The following NRP1 variants were observed in gnomAD, a reference collection of about 807,000 sequenced individuals.
NRP1 encodes the protein neuropilin-1.
NRP1 carries 35 observed loss-of-function variants against 106.7 expected under a neutral mutation model. The ratio of observed to expected loss-of-function variants is 0.33; its 90% CI spans 0.25 to 0.43. The LOEUF (loss-of-function observed/expected upper bound fraction) is 0.43, where lower values mean the gene tolerates loss of function less well. NRP1 is among the 20% of genes least tolerant of loss of function. The pLI is 1.00. For missense variants in NRP1, 1,024 were observed against 1,170.4 expected, an observed-to-expected ratio of 0.87 and a Z score of 1.83; for synonymous variants, 437 against 417.9, an observed-to-expected ratio of 1.05 and a Z score of -0.56.
chr10:33,271,323 C>T (rs898224317), intron 2 of NRP1, among the ~76,000 whole-genome samples: 1 of 152,190 alleles, frequency 6.6e-6, no homozygotes, highest in African/African-American at 2.4e-5. Flanking sequence ...GAGCGACCCT[C>T]TAAACATATG....
At chr10:33,231,342 A>G (rs886686880) in intron 6 of NRP1, among the ~76,000 whole-genome samples, 1 of 152,236 alleles carries the variant, frequency 6.6e-6, no homozygotes, top group Non-Finnish European at 1.5e-5. Context: ...AGATGATAGA[A>G]GAAAATTAAG....
chr10:33,214,052 G>T (rs975526866), intron 8 of NRP1, among the ~76,000 whole-genome samples: 3 of 152,186 alleles, frequency 2.0e-5, no homozygotes, highest in Admixed American at 6.5e-5. Flanking sequence ...CTGCTTAAGA[G>T]AAGTTCATAG....
At chr10:33,204,139 C>G (rs1837573046) in intron 10 of NRP1, among the ~76,000 whole-genome samples, 1 of 152,044 alleles carries the variant, frequency 6.6e-6, no homozygotes, top group Non-Finnish European at 1.5e-5. Context: ...ATGGATAGTT[C>G]TCGTGATGGC....
chr10:33,316,282 G>A (rs1175264584), intron 2 of NRP1, among the ~76,000 whole-genome samples: 2 of 152,194 alleles, frequency 1.3e-5, no homozygotes, highest in Non-Finnish European at 1.5e-5. Flanking sequence ...CCTTTAAACT[G>A]ACTAGATTTG....
intron 6 of NRP1, among the ~76,000 whole-genome samples, chr10:33,248,951 A>G (rs1413398217): frequency 6.6e-6 from 1 of 152,210 alleles, no homozygotes; most frequent in Non-Finnish European, 1.5e-5. Context: ...AATTTGGAGA[A>G]GAGTAGTTTC....
intron 11 of NRP1, chr10:33,201,450 T>C (rs1403262727): frequency 6.6e-6 from 1 of 152,148 alleles, no homozygotes; most frequent in Non-Finnish European, 1.5e-5. Context: ...TCACTATGGA[T>C]GTGTGACGGG....
At chr10:33,286,429 T>A (rs1844549311) in intron 2 of NRP1, among the ~76,000 whole-genome samples, 1 of 152,166 alleles carries the variant, frequency 6.6e-6, no homozygotes. Context: ...ACATCTGCCC[T>A]TCCTGCTAAT....
chr10:33,263,576 A>C, intron 4 of NRP1, 70 bp downstream of exon 4: 2 of 1,130,890 alleles, frequency 1.8e-6, no homozygotes, highest in Non-Finnish European at 2.6e-6. Context: ...GTATCATGAG[A>C]CTTGTAAAAG....
At chr10:33,258,288 CTAAAG>C (rs901328599) in intron 4 of NRP1, among the ~76,000 whole-genome samples, 2 of 152,154 alleles carry the variant, frequency 1.3e-5, no homozygotes, top group Non-Finnish European at 2.9e-5. Context: ...AATAAAATAA[CTAAAG>C]TAAACCAAAA....
At chr10:33,292,252 T>C (rs1845050577) in intron 2 of NRP1, among the ~76,000 whole-genome samples, 1 of 152,114 alleles carries the variant, frequency 6.6e-6, no homozygotes, top group Non-Finnish European at 1.5e-5. Context: ...ATCTTAAACT[T>C]TTCCATAAAC....
chr10:33,265,468 A>AC (rs1450730075), intron 3 of NRP1, among the ~76,000 whole-genome samples: 3 of 152,240 alleles, frequency 2.0e-5, no homozygotes, highest in Non-Finnish European at 4.4e-5. Flanking sequence ...ACTAGAGGCG[A>AC]CTTATTAGAC....
intron 6 of NRP1, among the ~76,000 whole-genome samples, chr10:33,232,068 G>A (rs936617279): frequency 3.3e-5 from 5 of 152,022 alleles, no homozygotes; most frequent in Admixed American, 3.3e-4. Context: ...ACTACCCATC[G>A]TCTTGGTGGC....
intron 2 of NRP1, among the ~76,000 whole-genome samples, chr10:33,317,305 C>A (rs999973306): frequency 6.6e-6 from 1 of 152,160 alleles, no homozygotes. Context: ...CTCTTTCCTG[C>A]AAACATGCTC....
At chr10:33,208,125 CATGTT>C (rs1466052763) in intron 9 of NRP1, among the ~76,000 whole-genome samples, 4 of 152,272 alleles carry the variant, frequency 2.6e-5, no homozygotes, top group Middle Eastern at 3.4e-3. Flanking sequence ...GGGGTTTCAC[CATGTT>C]GCCCAGGCTT....
At chr10:33,207,500 C>A in intron 10 of NRP1, 72 bp downstream of exon 10, 1 of 1,556,574 alleles carries the variant, frequency 6.4e-7, no homozygotes, top group Non-Finnish European at 8.8e-7. Flanking sequence ...GCAAAGGCAC[C>A]ATCAGGGGCA....
rs143546513 is a variant in NRP1 at position 33,235,997 on chromosome 10, C to T, written c.982-9708G>A. On this transcript the variant is annotated intron_variant, in intron 6 of 16. Transcript: ENST00000374867. ...TGACATTTTAATGTCCCCTCCTCCC[C>T]TTCCTGCAAAGAGACTTAGGAGTTC... 5.0e-3 allele frequency among the ~76,000 whole-genome samples: 765 copies of T among 152,360 alleles called. 9 individuals are homozygous for T. Among genetic ancestry groups the T allele is most frequent in the African/African-American group, 0.017 (706 of 41,590 alleles).
intron 2 of NRP1, among the ~76,000 whole-genome samples, chr10:33,315,147 A>G (rs1179981907): frequency 2.6e-5 from 4 of 152,204 alleles, no homozygotes; most frequent in Non-Finnish European, 5.9e-5. Context: ...AAAACAGATT[A>G]TGGAGACGAC....
At chr10:33,217,775 G>A (rs1838895137) in intron 8 of NRP1, among the ~76,000 whole-genome samples, 1 of 152,174 alleles carries the variant, frequency 6.6e-6, no homozygotes, top group Non-Finnish European at 1.5e-5. Context: ...GCCTTGTTTG[G>A]AAAGCTTAAG....
intron 6 of NRP1, among the ~76,000 whole-genome samples, chr10:33,252,421 C>T (rs1841933574): frequency 6.6e-6 from 1 of 152,142 alleles, no homozygotes. Context: ...CAAAAGAGCA[C>T]CTGTAACACG....
Sources: allele counts gnomAD v4.1 joint callset (sites outside exome capture counted in the v4.1 genomes callset), GRCh38; gene constraint gnomAD v4.1.1; transcripts MANE v1.5; gene names NCBI Gene and HGNC (gene_info 2026-07-23, HGNC 2026-07-21).